C2CD5: variants seen among roughly 807,000 people sequenced by gnomAD.
C2CD5 encodes the protein C2 domain-containing protein 5.
In C2CD5, 109 loss-of-function variants were observed where a neutral mutation model predicts 130.3. The observed-to-expected ratio is 0.84, with a 90% confidence interval of 0.72 to 0.98. The LOEUF (loss-of-function observed/expected upper bound fraction) is 0.98, where lower values mean the gene tolerates loss of function less well. Ranked by LOEUF, C2CD5 falls within the 50% of genes least tolerant of loss-of-function variation. C2CD5 has a pLI of 0.00. For missense variants in C2CD5, 996 were observed against 1,261.8 expected, an observed-to-expected ratio of 0.79 and a Z score of 3.19; for synonymous variants, 454 against 429.2, an observed-to-expected ratio of 1.06 and a Z score of -0.71.
At chr12:22,507,101 C>A (rs533807529) in intron 9 of C2CD5, 88 of 259,824 alleles carry the variant, frequency 3.4e-4, no homozygotes, top group Admixed American at 1.3e-3. Flanking sequence ...TTGAAACACA[C>A]TCTTCCTTCC....
intron 14 of C2CD5, 115 bp downstream of exon 14, chr12:22,482,442 G>T (rs1944871384): frequency 2.5e-6 from 2 of 807,906 alleles, no homozygotes; most frequent in African/African-American, 1.7e-5. Flanking sequence ...TCCCATAAAG[G>T]TCTTAATGTC....
chr12:22,488,552 T>G (rs1277121213), intron 12 of C2CD5, among the ~76,000 whole-genome samples: 2 of 152,130 alleles, frequency 1.3e-5, no homozygotes, highest in Non-Finnish European at 2.9e-5. Context: ...AAAAAGGTCA[T>G]TTGTTAAATT....
intron 9 of C2CD5, 35 bp from the exon 10 acceptor site, chr12:22,506,854 C>T (rs764146087): frequency 4.7e-6 from 6 of 1,288,332 alleles, no homozygotes; most frequent in African/African-American, 2.9e-5. Context: ...TACAACTTAT[C>T]GTGTGTAGAG....
intron 3 of C2CD5, among the ~76,000 whole-genome samples, chr12:22,533,124 C>G (rs548480480): frequency 1.3e-5 from 2 of 151,930 alleles, no homozygotes; most frequent in African/African-American, 2.4e-5. Context: ...ATTGCTGGCA[C>G]AGGGAACAAT....
chr12:22,482,540 A>T lies in C2CD5; in HGVS notation c.1737+17T>A. 1 of 1,603,974 alleles carries T rather than the reference A, an allele frequency of 6.2e-7. No individual in the cohort carries two copies. The highest frequency in any genetic ancestry group is 8.5e-7 in the Non-Finnish European group (1 of 1,175,502). On this transcript the variant is annotated intron_variant, in intron 14 of 26. Transcript: ENST00000446597. ...TTAAGGAAATCATAAAACAAAACCA[A>T]AAACATCTAAACTTACCGCTAAGCC... is the stretch of plus-strand genomic sequence containing the variant.
chr12:22,459,112 A>G (rs1173007980), intron 23 of C2CD5, among the ~76,000 whole-genome samples: 1 of 152,116 alleles, frequency 6.6e-6, no homozygotes, highest in Non-Finnish European at 1.5e-5. Context: ...CCAAAGGGCC[A>G]TTTTTGTTAA....
chr12:22,476,723 G>A (rs560251825), intron 15 of C2CD5, among the ~76,000 whole-genome samples: 36 of 152,162 alleles, frequency 2.4e-4, no homozygotes, highest in African/African-American at 8.4e-4. Flanking sequence ...ACACAATGGA[G>A]GAAGAGTCCA....
At chr12:22,510,212 A>G (rs955166025) in intron 9 of C2CD5, among the ~76,000 whole-genome samples, 1 of 152,130 alleles carries the variant, frequency 6.6e-6, no homozygotes, top group Non-Finnish European at 1.5e-5. Flanking sequence ...TCTCAATGAA[A>G]AAAAAAAAGA....
chr12:22,536,972 ATTGT>A (rs1243412545), intron 2 of C2CD5, among the ~76,000 whole-genome samples: 1 of 152,184 alleles, frequency 6.6e-6, no homozygotes, highest in Non-Finnish European at 1.5e-5. Context: ...GGAAATACTT[ATTGT>A]TTAATTTATC....
At chr12:22,535,053 TTTG>T in intron 3 of C2CD5, 1 of 428,414 alleles carries the variant, frequency 2.3e-6, no homozygotes, top group South Asian at 3.7e-5. Context: ...GAAGACTTCT[TTTG>T]TTAATGTGTT....
rs115875427 is a variant in C2CD5, at chr12:22,461,495, T to C, written c.2534-1953A>G. Among the ~76,000 whole-genome samples, 426 of 152,288 alleles carry C rather than the reference T, an allele frequency of 2.8e-3. 3 individuals carry two copies. The highest frequency in any genetic ancestry group is 0.01 in the African/African-American group (422 of 41,546). On this transcript the variant is annotated intron_variant, in intron 22 of 26. Coordinates refer to ENST00000446597, the MANE Select transcript of C2CD5 (RefSeq NM_001286176.2). ...AGCTTACCTGAGTATGTATTAAATA[T>C]CTGTTCCCATCTCTAACATCAAGTG...
intron 4 of C2CD5, among the ~76,000 whole-genome samples, chr12:22,527,064 G>C (rs1950783025): frequency 1.3e-5 from 2 of 152,098 alleles, no homozygotes; most frequent in South Asian, 4.1e-4. Context: ...AACTGCCCGG[G>C]AGGCCCTGCT....
chr12:22,544,264 G>C, intron 1 of C2CD5, 56 bp downstream of exon 1: 1 of 996,594 alleles, frequency 1.0e-6, no homozygotes, highest in South Asian at 1.8e-5. Context: ...GACAGCGAAG[G>C]AGCGCGCGGG....
intron 2 of C2CD5, 117 bp from the exon 3 acceptor site, chr12:22,535,461 C>T: frequency 1.6e-6 from 1 of 628,474 alleles, no homozygotes; most frequent in Non-Finnish European, 2.9e-6. Context: ...AGACTATTAT[C>T]CTCTGGGACA....
chr12:22,505,843 G>T (rs984931620), intron 10 of C2CD5, among the ~76,000 whole-genome samples: 1 of 151,062 alleles, frequency 6.6e-6, no homozygotes, highest in Non-Finnish European at 1.5e-5. Flanking sequence ...AAAAGAAACT[G>T]AAGGACCAGA....
chr12:22,534,191 A>T (rs1056361934), intron 3 of C2CD5, among the ~76,000 whole-genome samples: 2 of 152,194 alleles, frequency 1.3e-5, no homozygotes, highest in Non-Finnish European at 2.9e-5. Context: ...CTGTCTATTA[A>T]AAGAAAGGAA....
chr12:22,543,640 AC>A (rs1467977445), intron 2 of C2CD5, among the ~76,000 whole-genome samples: 1 of 152,016 alleles, frequency 6.6e-6, no homozygotes, highest in Non-Finnish European at 1.5e-5. Context: ...CTGCGGGGCC[AC>A]ACCTTGGGAT....
chr12:22,478,728 C>G (rs761372952), intron 14 of C2CD5, among the ~76,000 whole-genome samples: 16 of 151,998 alleles, frequency 1.1e-4, no homozygotes, highest in Non-Finnish European at 2.1e-4. Flanking sequence ...TGCCCATAAT[C>G]CCTGCTACTC....
intron 3 of C2CD5, among the ~76,000 whole-genome samples, chr12:22,530,177 CTATA>C (rs1951133842): frequency 8.8e-6 from 1 of 113,766 alleles, no homozygotes; most frequent in Non-Finnish European, 1.8e-5. Flanking sequence ...TACATAACAA[CTATA>C]TATACAACTG....
Sources: gnomAD v4.1 joint callset for allele counts (sites outside exome capture counted in the v4.1 genomes callset) on GRCh38, gnomAD v4.1.1 for gene constraint, MANE v1.5 for transcripts, NCBI Gene and HGNC (gene_info 2026-07-23, HGNC 2026-07-21) for gene names.